MSI2: variants seen among roughly 807,000 people sequenced by gnomAD.
MSI2 encodes RNA-binding protein Musashi homolog 2.
A neutral mutation model predicts 45.6 loss-of-function variants in MSI2; 17 were observed. The observed-to-expected ratio is 0.37, with a 90% CI of 0.26 to 0.56. The LOEUF (loss-of-function observed/expected upper bound fraction) is 0.56. Among genes scored for constraint, MSI2 ranks in the 20% least tolerant of loss-of-function variants. The probability of loss-of-function intolerance (pLI) is 0.77; values close to 1 mark genes in which losing one functional copy is unlikely to be tolerated. For missense variants in MSI2, 293 were observed against 444.2 expected (o/e 0.66, Z 3.06); for synonymous variants, 156 against 158.2 (o/e 0.99, Z 0.11).
At chr17:57,379,821 G>A (rs1237488457) in intron 5 of MSI2, among the ~76,000 whole-genome samples, 1 of 152,216 alleles carries the variant, frequency 6.6e-6, no homozygotes, top group African/African-American at 2.4e-5. Context: ...GGCAGGCAGT[G>A]CTCTTCCAGG....
intron 10 of MSI2, among the ~76,000 whole-genome samples, chr17:57,634,397 C>T (rs901054662): frequency 4.6e-5 from 7 of 151,720 alleles, no homozygotes; most frequent in African/African-American, 1.7e-4. Flanking sequence ...GCCTGGGAGG[C>T]GGAGGTTGCA....
intron 11 of MSI2, among the ~76,000 whole-genome samples, chr17:57,668,502 G>A (rs979895460): frequency 1.3e-4 from 20 of 152,130 alleles, no homozygotes; most frequent in African/African-American, 3.9e-4. Flanking sequence ...TCTGAATCAG[G>A]TTAAGTTTTG....
chr17:57,577,945 A>G (rs2088094619), intron 7 of MSI2, among the ~76,000 whole-genome samples: 1 of 152,184 alleles, frequency 6.6e-6, no homozygotes, highest in Non-Finnish European at 1.5e-5. Flanking sequence ...ACCACCCGCA[A>G]GCAAAGCTTT....
chr17:57,661,048 G>A (rs1382304998), intron 11 of MSI2, among the ~76,000 whole-genome samples: 10 of 152,200 alleles, frequency 6.6e-5, no homozygotes, highest in Admixed American at 2.6e-4. Flanking sequence ...CAGATAATTC[G>A]TGTACATTGT....
intron 6 of MSI2, among the ~76,000 whole-genome samples, chr17:57,514,494 T>G (rs2086425680): frequency 6.6e-6 from 1 of 152,192 alleles, no homozygotes; most frequent in African/African-American, 2.4e-5. Flanking sequence ...TTTGCCTGCT[T>G]TGTAATTCCT....
intron 5 of MSI2, among the ~76,000 whole-genome samples, chr17:57,380,574 G>A (rs532449232): frequency 6.6e-6 from 1 of 152,178 alleles, no homozygotes; most frequent in South Asian, 2.1e-4. Flanking sequence ...TTCAAAGTGA[G>A]GTCTTTAGAC....
At chr17:57,460,417 G>A (rs191763963) in intron 6 of MSI2, among the ~76,000 whole-genome samples, 2 of 151,960 alleles carry the variant, frequency 1.3e-5, no homozygotes, top group African/African-American at 4.8e-5. Context: ...AGATTTGATG[G>A]GCAAAATCCT....
At chr17:57,315,460 C>T (rs911684247) in intron 5 of MSI2, among the ~76,000 whole-genome samples, 7 of 152,052 alleles carry the variant, frequency 4.6e-5, no homozygotes, top group African/African-American at 1.7e-4. Flanking sequence ...GGAGGCAGGG[C>T]AGATATGCGG....
chr17:57,280,529 A>G lies in MSI2; in HGVS notation c.312+18337A>G, dbSNP rs1476951833. On this transcript the variant is annotated intron_variant, in intron 5 of 13. Coordinates refer to ENST00000284073, the MANE Select transcript of MSI2 (RefSeq NM_138962.4). The surrounding 1 kb of genome is among the most constrained non-coding windows in gnomAD (Gnocchi z 4.2). Reference sequence around the variant, plus strand: ...TAGCAAGTGTTAAAGGTGAGAGGCAAATTTGACTTCTCATTGATGTGAGCA... The same window carrying G: ...TAGCAAGTGTTAAAGGTGAGAGGCAGATTTGACTTCTCATTGATGTGAGCA... 6.6e-6 allele frequency among the ~76,000 whole-genome samples: 1 copy of G among 152,052 alleles called. No individual in the cohort carries two copies. The highest frequency in any genetic ancestry group is 1.5e-5 in the Non-Finnish European group (1 of 68,002).
At chr17:57,468,381 T>C (rs999267887) in intron 6 of MSI2, among the ~76,000 whole-genome samples, 1 of 150,536 alleles carries the variant, frequency 6.6e-6, no homozygotes, top group African/African-American at 2.4e-5. Flanking sequence ...ATTAGCCGGG[T>C]GTGGTGGCGG....
chr17:57,534,055 A>G (rs890350243), intron 7 of MSI2, among the ~76,000 whole-genome samples: 1 of 152,222 alleles, frequency 6.6e-6, no homozygotes, highest in Non-Finnish European at 1.5e-5. Flanking sequence ...GAGCACTTAC[A>G]ACACCAAGTG....
At chr17:57,266,484 C>T (rs1415633187) in intron 5 of MSI2, 2 of 152,208 alleles carry the variant, frequency 1.3e-5, no homozygotes, top group African/African-American at 4.8e-5. Context: ...GCCTCAGCCT[C>T]CCGACTAGCT....
intron 9 of MSI2, among the ~76,000 whole-genome samples, chr17:57,623,074 T>C (rs989729132): frequency 1.3e-5 from 2 of 152,108 alleles, no homozygotes; most frequent in Admixed American, 6.5e-5. Context: ...ACGGCGCAGG[T>C]CTGGAGGAGC....
intron 5 of MSI2, among the ~76,000 whole-genome samples, chr17:57,335,825 A>C (rs1411555158): frequency 6.6e-6 from 1 of 152,184 alleles, no homozygotes. Flanking sequence ...GTGATGGCAA[A>C]GGCCTAGAGG....
intron 5 of MSI2, chr17:57,279,420 G>C (rs1308709237): frequency 2.0e-5 from 3 of 152,160 alleles, no homozygotes; most frequent in Non-Finnish European, 2.9e-5. Flanking sequence ...TTGGATTTTG[G>C]GGGGTGTAGC....
chr17:57,292,133 G>A (rs1461230433), intron 5 of MSI2, among the ~76,000 whole-genome samples: 1 of 152,014 alleles, frequency 6.6e-6, no homozygotes, highest in Non-Finnish European at 1.5e-5. Context: ...GTGGATTGGG[G>A]GCTAGGGAGA....
chr17:57,634,191 G>A lies in MSI2; in HGVS notation c.727+6888G>A, dbSNP rs142962215. Reference sequence around the variant, plus strand: ...AGAGAGAGGGAAGCTCTGGCCAGGCGTAGTGGCTCACACCTATAATCCCAA... The same window carrying A: ...AGAGAGAGGGAAGCTCTGGCCAGGCATAGTGGCTCACACCTATAATCCCAA... On this transcript the variant is annotated intron_variant, in intron 10 of 13. Transcript: ENST00000284073. Among the ~76,000 whole-genome samples, 434 of 152,328 alleles carry A rather than the reference G, an allele frequency of 2.8e-3. 3 individuals carry two copies. The highest frequency in any genetic ancestry group is 9.7e-3 in the African/African-American group (402 of 41,568).
At chr17:57,364,764 C>T (rs1408897352) in intron 5 of MSI2, among the ~76,000 whole-genome samples, 2 of 152,108 alleles carry the variant, frequency 1.3e-5, no homozygotes, top group African/African-American at 4.8e-5. Context: ...TTCCTGTGAT[C>T]CCAAGCTCCC....
intron 5 of MSI2, among the ~76,000 whole-genome samples, chr17:57,327,602 G>A (rs562536908): frequency 9.2e-5 from 14 of 152,136 alleles, no homozygotes; most frequent in Non-Finnish European, 2.1e-4. Context: ...GGTGTGTGGG[G>A]GCCCCAATCC....
Sources: gnomAD v4.1 joint callset for allele counts (sites outside exome capture counted in the v4.1 genomes callset) on GRCh38, gnomAD v4.1.1 for gene constraint, Gnocchi (gnomAD v3.1) non-coding constraint, MANE v1.5 for transcripts, NCBI Gene and HGNC (gene_info 2026-07-23, HGNC 2026-07-21) for gene names.